FKBP6: variants seen among roughly 807,000 people sequenced by gnomAD.
FKBP6 encodes inactive peptidyl-prolyl cis-trans isomerase FKBP6.
In FKBP6, 29 loss-of-function variants were observed where a neutral mutation model predicts 41.7. The observed-to-expected ratio is 0.70, with a 90% CI of 0.52 to 0.95. The LOEUF (loss-of-function observed/expected upper bound fraction) is 0.95, where lower values mean the gene tolerates loss of function less well. FKBP6 is among the 40% of genes least tolerant of loss of function. FKBP6 has a pLI of 0.00. For missense variants in FKBP6, 338 were observed against 408.7 expected (o/e 0.83, Z 1.49); for synonymous variants, 130 against 165.1 (o/e 0.79, Z 1.63).
At chr7:73,350,501 A>G (rs1183014069) in intron 8 of FKBP6, among the ~76,000 whole-genome samples, 1 of 152,040 alleles carries the variant, frequency 6.6e-6, no homozygotes, top group Non-Finnish European at 1.5e-5. Flanking sequence ...GCGGCCATGC[A>G]CTTTTATCCT....
At chr7:73,334,649 C>A (rs1466132615) in intron 5 of FKBP6, among the ~76,000 whole-genome samples, 1 of 152,072 alleles carries the variant, frequency 6.6e-6, no homozygotes, top group African/African-American at 2.4e-5. Context: ...AATTGAAGGG[C>A]TATTTGTTCT....
chr7:73,348,434 G>C (rs1805396429), intron 8 of FKBP6, among the ~76,000 whole-genome samples: 1 of 152,128 alleles, frequency 6.6e-6, no homozygotes, highest in Admixed American at 6.5e-5. Flanking sequence ...CATCCTCCCT[G>C]TATAGCAGGG....
At chr7:73,329,777 C>G in intron 3 of FKBP6, 2 of 526,306 alleles carry the variant, frequency 3.8e-6, no homozygotes, top group Non-Finnish European at 6.8e-6. Flanking sequence ...TAGAACATCT[C>G]CACCCTTAAG....
At chr7:73,344,225 A>G (rs1445933562) in intron 8 of FKBP6, among the ~76,000 whole-genome samples, 3 of 152,230 alleles carry the variant, frequency 2.0e-5, no homozygotes, top group African/African-American at 7.2e-5. Context: ...TCATGAATGA[A>G]GACCCAGGTC....
At chr7:73,337,476 A>T (rs1474895251) in intron 5 of FKBP6, among the ~76,000 whole-genome samples, 1 of 151,650 alleles carries the variant, frequency 6.6e-6, no homozygotes, top group Admixed American at 6.6e-5. Flanking sequence ...TACCACATCC[A>T]GCTCATTTTT....
At chr7:73,338,033 T>C (rs1371619215) in intron 5 of FKBP6, among the ~76,000 whole-genome samples, 2 of 152,150 alleles carry the variant, frequency 1.3e-5, no homozygotes, top group African/African-American at 4.8e-5. Flanking sequence ...TCTTTTTTTG[T>C]TTTTTGTTTT....
intron 8 of FKBP6, among the ~76,000 whole-genome samples, chr7:73,356,260 A>G (rs1273676463): frequency 6.6e-6 from 1 of 152,128 alleles, no homozygotes; most frequent in Non-Finnish European, 1.5e-5. Flanking sequence ...TGGTTTTCAC[A>G]GTGATTAGTA....
intron 8 of FKBP6, among the ~76,000 whole-genome samples, 194 bp from the exon 9 acceptor site, chr7:73,357,986 CA>C (rs60447125): frequency 0.014 from 1,386 of 101,076 alleles, 12 homozygotes; most frequent in South Asian, 0.046. Context: ...GGCTCTGTCT[CA>C]AAAAAAAAAA....
chr7:73,339,860 G>T (rs539491777), intron 5 of FKBP6, among the ~76,000 whole-genome samples: 2 of 152,000 alleles, frequency 1.3e-5, no homozygotes, highest in African/African-American at 4.8e-5. Flanking sequence ...TGATCTGCCC[G>T]CCTCAGCCTC....
intron 8 of FKBP6, among the ~76,000 whole-genome samples, chr7:73,355,734 C>G (rs1282892330): frequency 2.6e-5 from 4 of 151,948 alleles, no homozygotes; most frequent in Non-Finnish European, 5.9e-5. Flanking sequence ...TGTACCCACT[C>G]TCCAATTTTT....
chr7:73,331,190 G>A (rs1804829839), intron 4 of FKBP6, among the ~76,000 whole-genome samples: 1 of 152,222 alleles, frequency 6.6e-6, no homozygotes, highest in South Asian at 2.1e-4. Context: ...AGAGCATCAT[G>A]ACCATAAAGA....
At position 73,341,281 on chromosome 7, in the gene FKBP6, TCTC is replaced by T. The variant is rs1171314070; in HGVS notation, c.795_797del (p.Leu266del). 3.1e-6 allele frequency: 5 copies of T among 1,609,112 alleles called. No homozygotes were observed. Among genetic ancestry groups the T allele is most frequent in the African/African-American group, 2.7e-5 (2 of 74,840 alleles). On this transcript the variant is annotated inframe_deletion, in exon 7 of 9. Coordinates refer to ENST00000252037, the MANE Select transcript of FKBP6 (RefSeq NM_003602.5). The stretch of plus-strand genomic sequence containing the variant: ...TTCTCTCCTTGGGACAGGCTTGTCT[TCTC>T]CTGACTGAGTATCAAAAGGCCCGGG...
chr7:73,344,831 C>T (rs568572647), intron 8 of FKBP6, among the ~76,000 whole-genome samples: 4 of 152,310 alleles, frequency 2.6e-5, no homozygotes, highest in South Asian at 2.1e-4. Flanking sequence ...GTGGTCCTCC[C>T]GCCTTGGCCT....
At chr7:73,349,960 G>A (rs1485281565) in intron 8 of FKBP6, among the ~76,000 whole-genome samples, 3 of 152,068 alleles carry the variant, frequency 2.0e-5, no homozygotes, top group Admixed American at 6.6e-5. Context: ...GAGGCTGTCC[G>A]AGAATCCCCA....
Position 73,329,490 on chromosome 7 carries a change from G to A in FKBP6, c.265+41G>A, listed in dbSNP as rs1554547154. The stretch of plus-strand genomic sequence containing the variant: ...GAGCTGGAGAAGAAGGAATTGTTTA[G>A]GGGCTAGATGAGGCACGATGCCTCA... On this transcript the variant is annotated intron_variant, in intron 3 of 8. Transcript: ENST00000252037. 5.7e-6 allele frequency: 7 copies of A among 1,226,434 alleles called. No individual in the cohort carries two copies. In the South Asian group the frequency reaches 8.4e-5, roughly 15 times the overall value. 76.0% of individuals were successfully genotyped at this position (1,226,434 alleles called of 1,614,324 possible).
At chr7:73,355,679 T>G (rs899939120) in intron 8 of FKBP6, among the ~76,000 whole-genome samples, 1 of 152,078 alleles carries the variant, frequency 6.6e-6, no homozygotes, top group South Asian at 2.1e-4. Context: ...TCACTACCCA[T>G]GTATCATTAC....
At chr7:73,347,264 T>C (rs1805356635) in intron 8 of FKBP6, among the ~76,000 whole-genome samples, 2 of 152,224 alleles carry the variant, frequency 1.3e-5, no homozygotes, top group African/African-American at 4.8e-5. Flanking sequence ...GTTTCACATG[T>C]GTTAATATTT....
Position 73,337,560 on chromosome 7 carries a change from C to G in FKBP6, c.589-3078C>G, listed in dbSNP as rs573232951. ...AACTCCTGACCTCAGGTGATCCGCC[C>G]GCCTCGGTCTCCCAAAGTGCTGGGA... On this transcript the variant is annotated intron_variant, in intron 5 of 8. Coordinates refer to ENST00000252037, the MANE Select transcript of FKBP6 (RefSeq NM_003602.5). 2.7e-4 allele frequency among the ~76,000 whole-genome samples: 41 copies of G among 152,094 alleles called. No homozygotes were observed. The Middle Eastern group carries it at 0.01, about 38-fold the overall frequency.
intron 7 of FKBP6, 114 bp downstream of exon 7, chr7:73,341,496 GGCC>G: frequency 1.3e-6 from 1 of 775,822 alleles, no homozygotes; most frequent in Non-Finnish European, 2.3e-6. Flanking sequence ...AGTGTTAGGA[GGCC>G]GCCCCCTCTA....
Sources: gnomAD v4.1 joint callset for allele counts (sites outside exome capture counted in the v4.1 genomes callset) on GRCh38, gnomAD v4.1.1 for gene constraint, MANE v1.5 for transcripts, NCBI Gene and HGNC (gene_info 2026-07-23, HGNC 2026-07-21) for gene names.